SMOC2: variants seen among roughly 807,000 people sequenced by gnomAD.
The protein encoded by SMOC2 is SPARC related modular calcium binding 2, also known as SPARC-related modular calcium-binding protein 2.
Under a neutral mutation model 61.4 loss-of-function variants are expected in SMOC2, and 39 were observed. The observed-to-expected ratio is 0.64, with a 90% confidence interval of 0.49 to 0.83. The LOEUF (loss-of-function observed/expected upper bound fraction) is 0.83, where lower values mean the gene tolerates loss of function less well. Among genes scored for constraint, SMOC2 ranks in the 40% least tolerant of loss-of-function variants. The pLI, the probability that SMOC2 is intolerant of heterozygous loss-of-function variation, is 0.00. For synonymous variants in SMOC2, 247 were observed against 239.9 expected (o/e 1.03, Z -0.27); for missense variants, 556 against 592.9 (o/e 0.94, Z 0.65).
chr6:168,606,955 G>A (rs1785709629), intron 8 of SMOC2, among the ~76,000 whole-genome samples: 1 of 152,114 alleles, frequency 6.6e-6, no homozygotes, highest in Admixed American at 6.5e-5. Flanking sequence ...GGGCTGGGGA[G>A]CCGCCATGCA....
chr6:168,444,282 AGCCTCTCT>A (rs1781282976), intron 1 of SMOC2, among the ~76,000 whole-genome samples: 1 of 152,000 alleles, frequency 6.6e-6, no homozygotes, highest in Non-Finnish European at 1.5e-5. Flanking sequence ...GAAATATGTC[AGCCTCTCT>A]GGGGCTTTCA....
chr6:168,463,763 G>A (rs891538411), intron 1 of SMOC2, among the ~76,000 whole-genome samples: 1 of 152,132 alleles, frequency 6.6e-6, no homozygotes, highest in East Asian at 1.9e-4. Context: ...GCAGGCCCAG[G>A]CGTGTTGCTC....
chr6:168,458,953 A>G (rs1781655227), intron 1 of SMOC2, among the ~76,000 whole-genome samples: 2 of 152,220 alleles, frequency 1.3e-5, no homozygotes, highest in Admixed American at 6.5e-5. Context: ...ATGGACATTA[A>G]GTACTCCCTC....
intron 7 of SMOC2, among the ~76,000 whole-genome samples, chr6:168,560,329 T>C (rs888158432): frequency 2.6e-5 from 4 of 152,230 alleles, no homozygotes; most frequent in Non-Finnish European, 5.9e-5. Context: ...TCAAAAGCAT[T>C]GTAAAGCACC....
intron 8 of SMOC2, among the ~76,000 whole-genome samples, chr6:168,605,098 A>G (rs111417044): frequency 0.011 from 1,683 of 152,308 alleles, 33 homozygotes; most frequent in African/African-American, 0.036. Context: ...GGAAGGGGCC[A>G]TCAGACTGAG....
At chr6:168,525,619 G>A (rs1325662979) in intron 2 of SMOC2, among the ~76,000 whole-genome samples, 1 of 152,188 alleles carries the variant, frequency 6.6e-6, no homozygotes, top group Non-Finnish European at 1.5e-5. Flanking sequence ...CGCCTTCTGT[G>A]AAATCTGTGT....
At position 168,608,167 on chromosome 6, in the gene SMOC2, C is replaced by T. The variant is rs779548630; in HGVS notation, c.835C>T (p.Pro279Ser). 1 of 1,613,628 alleles carries T rather than the reference C, an allele frequency of 6.2e-7. No individual in the cohort carries two copies. The highest frequency in any genetic ancestry group is 8.5e-7 in the Non-Finnish European group (1 of 1,179,906). ...TCCCCCCGCCCATAGGTACGAGCAG[C>T]CGAAATGTGACAACACGGCCAGGGC... ...IPGTSTRYEQ[P>S]KCDNTARAHP... Residue 279 changes from proline (P) to serine (S), a missense_variant, in exon 9 of 13, where the codon CCG (proline) becomes TCG (serine). Physicochemically the swap from Pro to Ser is moderately conservative, Grantham distance 74. Coordinates refer to ENST00000356284, the MANE Select transcript of SMOC2 (RefSeq NM_001166412.2).
chr6:168,606,466 T>C (rs1785693277), intron 8 of SMOC2, among the ~76,000 whole-genome samples: 1 of 152,196 alleles, frequency 6.6e-6, no homozygotes. Context: ...AATGTGTGGT[T>C]CCTGACTCTT....
At chr6:168,530,890 C>A (rs932569283) in intron 4 of SMOC2, among the ~76,000 whole-genome samples, 2 of 152,278 alleles carry the variant, frequency 1.3e-5, no homozygotes, top group Non-Finnish European at 2.9e-5. Flanking sequence ...ACATGAGAAC[C>A]AAAGCCTGGA....
intron 7 of SMOC2, among the ~76,000 whole-genome samples, chr6:168,581,043 G>A (rs1265181520): frequency 3.3e-5 from 5 of 152,158 alleles, no homozygotes; most frequent in Non-Finnish European, 7.3e-5. Context: ...CACAGCCTTC[G>A]CCTCTGATTC....
At chr6:168,567,434 T>A (rs1288806298) in intron 7 of SMOC2, among the ~76,000 whole-genome samples, 1 of 152,214 alleles carries the variant, frequency 6.6e-6, no homozygotes, top group African/African-American at 2.4e-5. Flanking sequence ...GTTGATAAAT[T>A]ACTTAAGATA....
intron 9 of SMOC2, among the ~76,000 whole-genome samples, chr6:168,633,869 G>A (rs1037996666): frequency 6.6e-6 from 1 of 152,178 alleles, no homozygotes; most frequent in African/African-American, 2.4e-5. Flanking sequence ...TCGTGAGAGG[G>A]ACCTGGTGGG....
At chr6:168,450,359 A>T (rs1781432523) in intron 1 of SMOC2, among the ~76,000 whole-genome samples, 1 of 152,238 alleles carries the variant, frequency 6.6e-6, no homozygotes, top group African/African-American at 2.4e-5. Flanking sequence ...TTGTGTTTGA[A>T]TGAAGGCTGA....
intron 7 of SMOC2, among the ~76,000 whole-genome samples, chr6:168,583,096 A>G (rs9364263): frequency 0.56 from 85,179 of 152,120 alleles, 23,960 homozygotes; most frequent in East Asian, 0.61. Flanking sequence ...AAAAGTTACC[A>G]TTGCTTGCTT....
intron 9 of SMOC2, among the ~76,000 whole-genome samples, chr6:168,643,124 C>T (rs1173681632): frequency 2.6e-5 from 4 of 152,178 alleles, no homozygotes; most frequent in African/African-American, 9.7e-5. Flanking sequence ...CACAGGCTCT[C>T]CAGGGTCCCC....
chr6:168,501,555 G>A (rs972334705), intron 1 of SMOC2, among the ~76,000 whole-genome samples: 3 of 152,158 alleles, frequency 2.0e-5, no homozygotes, highest in African/African-American at 7.2e-5. Flanking sequence ...TCTGCAGAAT[G>A]TGAGGTGGGG....
chr6:168,520,164 T>A (rs2763244), intron 2 of SMOC2, among the ~76,000 whole-genome samples: 1 of 152,116 alleles, frequency 6.6e-6, no homozygotes, highest in Non-Finnish European at 1.5e-5. Context: ...CACAGCACTT[T>A]CATCTATATT....
chr6:168,664,355 A>C, intron 12 of SMOC2: 1 of 509,410 alleles, frequency 2.0e-6, no homozygotes, highest in Non-Finnish European at 3.5e-6. Flanking sequence ...TTATTAAGAA[A>C]AATTTCTGAG....
intron 4 of SMOC2, among the ~76,000 whole-genome samples, chr6:168,529,234 G>T (rs533569318): frequency 2.6e-5 from 4 of 152,226 alleles, no homozygotes; most frequent in African/African-American, 7.2e-5. Flanking sequence ...TACGTGGAAC[G>T]TTTGGTCCAA....
Sources: allele counts gnomAD v4.1 joint callset (sites outside exome capture counted in the v4.1 genomes callset), GRCh38; gene constraint gnomAD v4.1.1; transcripts MANE v1.5; gene names NCBI Gene and HGNC (gene_info 2026-07-23, HGNC 2026-07-21).